Variants in INPP5A observed in about 807,000 individuals in gnomAD.
The protein encoded by INPP5A is inositol polyphosphate-5-phosphatase A.
Under a neutral mutation model 65.2 loss-of-function variants are expected in INPP5A, and 14 were observed. That is an observed-to-expected ratio of 0.21 (90% CI 0.14 to 0.34). The LOEUF (loss-of-function observed/expected upper bound fraction) is 0.34, where lower values mean the gene tolerates loss of function less well. INPP5A is among the 10% of genes least tolerant of loss of function. The pLI, the probability that INPP5A is intolerant of heterozygous loss-of-function variation, is 1.00. For missense variants in INPP5A, 431 were observed against 545.6 expected, an observed-to-expected ratio of 0.79 and a Z score of 2.09; for synonymous variants, 207 against 208.3, an observed-to-expected ratio of 0.99 and a Z score of 0.05.
chr10:132,708,515 C>A lies in INPP5A; in HGVS notation c.527+150C>A, dbSNP rs572894659. ...CCTGACCCCCACCTGCCACTCTGAC[C>A]CTTTTGGTTCACGGCGATGCATTCG... is the stretch of plus-strand genomic sequence containing the variant. On this transcript the variant is annotated intron_variant, in intron 7 of 15. Transcript: ENST00000368594. The A allele has an allele frequency of 8.7e-6, 7 of 806,434 alleles. 1 individual carries two copies. In the South Asian group the frequency reaches 9.4e-5, roughly 11 times the overall value. 50.0% of individuals were successfully genotyped at this position (806,434 alleles called of 1,614,324 possible).
rs2134619824 is a variant in INPP5A at position 132,741,843 on chromosome 10, C to T, written c.733-7674C>T. Reference sequence around the variant, plus strand: ...GGACGTTGGCGTCCGCGTCTGCTTGCTTTACTCCATAGCTGATATAAACTG... The same window carrying T: ...GGACGTTGGCGTCCGCGTCTGCTTGTTTTACTCCATAGCTGATATAAACTG... On this transcript the variant is annotated intron_variant, in intron 9 of 15. Transcript: ENST00000368594. The surrounding 1 kb of genome is among the most constrained non-coding windows in gnomAD (Gnocchi z 4.4). 6.6e-6 allele frequency among the ~76,000 whole-genome samples: 1 copy of T among 152,274 alleles called. No individual in the cohort carries two copies. The highest frequency in any genetic ancestry group is 2.1e-4 in the South Asian group (1 of 4,828).
chr10:132,602,449 A>C (rs1038046505), intron 1 of INPP5A, among the ~76,000 whole-genome samples: 1 of 152,040 alleles, frequency 6.6e-6, no homozygotes, highest in Non-Finnish European at 1.5e-5. Flanking sequence ...ATGCACCACC[A>C]TGCCTGGCTA....
At chr10:132,613,980 C>G (rs2071995061) in intron 2 of INPP5A, among the ~76,000 whole-genome samples, 2 of 152,334 alleles carry the variant, frequency 1.3e-5, no homozygotes, top group South Asian at 4.1e-4. Flanking sequence ...TCTTCATGGT[C>G]TTTTAGAAAC....
At chr10:132,760,212 A>G (rs12258189) in intron 11 of INPP5A, among the ~76,000 whole-genome samples, 3,475 of 152,302 alleles carry the variant, frequency 0.023, 120 homozygotes, top group African/African-American at 0.078. Flanking sequence ...CAGGCCCTCA[A>G]AGGCCTACGT....
chr10:132,726,824 C>T lies in INPP5A; in HGVS notation c.651C>T (p.Ile217=), dbSNP rs773319592. 4 of 1,597,972 alleles carry T rather than the reference C, an allele frequency of 2.5e-6. No homozygotes were observed. The African/African-American group carries it at 5.4e-5, about 21-fold the overall frequency. ...CAAGTCCTCTTTTTCTTTCCAGAAT[C>T]ATTGATCAGCGATTCGAGAAGGTTT... The part of the protein sequence containing the change: ...HKALGYVLDR[I]IDQRFEKVSY... The change falls in exon 9 of 16, where the codon ATC becomes ATT. Residue 217 remains isoleucine (I), a synonymous_variant. Transcript: ENST00000368594.
intron 4 of INPP5A, among the ~76,000 whole-genome samples, chr10:132,657,410 G>C (rs778913174): frequency 6.6e-6 from 1 of 152,208 alleles, no homozygotes; most frequent in African/African-American, 2.4e-5. Context: ...TGCCTCCCCC[G>C]CGGCTGGGTC....
chr10:132,588,012 CAAAAAAA>C (rs796469034), intron 1 of INPP5A, among the ~76,000 whole-genome samples: 9 of 55,908 alleles, frequency 1.6e-4, no homozygotes, highest in Non-Finnish European at 2.3e-4. Flanking sequence ...AACTCCATCT[CAAAAAAA>C]AAAAAAAAAA....
chr10:132,617,298 T>C (rs1276628649), intron 2 of INPP5A, among the ~76,000 whole-genome samples: 3 of 152,168 alleles, frequency 2.0e-5, no homozygotes, highest in Non-Finnish European at 4.4e-5. Flanking sequence ...GCAGTGTGGC[T>C]TGGGGCAAAG....
intron 4 of INPP5A, among the ~76,000 whole-genome samples, chr10:132,682,264 TC>T (rs1281183959): frequency 2.0e-5 from 3 of 149,484 alleles, no homozygotes; most frequent in African/African-American, 7.3e-5. Context: ...CTGTTGCTGG[TC>T]GGGAACAGTC....
At chr10:132,577,242 G>A (rs1449681011) in intron 1 of INPP5A, among the ~76,000 whole-genome samples, 10 of 152,142 alleles carry the variant, frequency 6.6e-5, no homozygotes, top group South Asian at 2.1e-4. Flanking sequence ...CACGCCGCCC[G>A]TGGTGCATCA....
In INPP5A at chr10:132,555,819, G is replaced by A. The variant is rs2071118831; in HGVS notation, c.75+17648G>A. On this transcript the variant is annotated intron_variant, in intron 1 of 15. Coordinates refer to ENST00000368594, the MANE Select transcript of INPP5A (RefSeq NM_005539.5). The surrounding 1 kb of genome is among the most constrained non-coding windows in gnomAD (Gnocchi z 4.4). The stretch of plus-strand genomic sequence containing the variant: ...ACGTGTGGTCTGCACAGACAGACCA[G>A]GGGGTGACTTCAGCGTTTTATGGCA... Among the ~76,000 whole-genome samples, 1 of 152,200 alleles carries A rather than the reference G, an allele frequency of 6.6e-6. No homozygotes were observed. The highest frequency in any genetic ancestry group is 2.4e-5 in the African/African-American group (1 of 41,448).
In INPP5A at chr10:132,698,502, A is replaced by C. The variant is rs1845382007; in HGVS notation, c.474+583A>C. Among the ~76,000 whole-genome samples the C allele has an allele frequency of 6.6e-6, 1 of 152,254 alleles. No homozygotes were observed. The highest frequency in any genetic ancestry group is 1.5e-5 in the Non-Finnish European group (1 of 68,046). On this transcript the variant is annotated intron_variant, in intron 6 of 15. Coordinates refer to ENST00000368594, the MANE Select transcript of INPP5A (RefSeq NM_005539.5). This position sits in a 1 kb window ranked among gnomAD's most constrained non-coding sequence, Gnocchi z 5.5. The stretch of plus-strand genomic sequence containing the variant: ...AAATTGGTGTTTCCTTCTGGCGGCC[A>C]TGCACTTTGCTGAGCTGTGTGCGCG...
At chr10:132,596,482 C>T (rs1310280602) in intron 1 of INPP5A, among the ~76,000 whole-genome samples, 1 of 149,250 alleles carries the variant, frequency 6.7e-6, no homozygotes, top group African/African-American at 2.5e-5. Context: ...AGCTGGAGTG[C>T]AGTGGCACCA....
chr10:132,650,611 A>T lies in INPP5A; in HGVS notation c.306+106A>T, dbSNP rs1014181595. 4 of 793,520 alleles carry T rather than the reference A, an allele frequency of 5.0e-6. No homozygotes were observed. The African/African-American group carries it at 6.8e-5, about 13-fold the overall frequency. The allele number at this position is 793,520 out of a possible 1,614,324, so 49.2% of individuals were successfully genotyped here. On this transcript the variant is annotated intron_variant, in intron 4 of 15. Transcript: ENST00000368594. The surrounding 1 kb of genome is among the most constrained non-coding windows in gnomAD (Gnocchi z 5.5). ...GAGAGGTCGGGGTGCTCCCTGCCTG[A>T]AGCCTCACTCACGCTGCCCTGCCTG... is the stretch of plus-strand genomic sequence containing the variant.
chr10:132,702,413 A>C (rs1564971851), intron 6 of INPP5A, among the ~76,000 whole-genome samples: 1 of 152,370 alleles, frequency 6.6e-6, no homozygotes, highest in Non-Finnish European at 1.5e-5. Flanking sequence ...ACCCACATGC[A>C]CATAGATTCA....
chr10:132,614,754 G>A (rs1276784836), intron 2 of INPP5A, among the ~76,000 whole-genome samples: 2 of 152,250 alleles, frequency 1.3e-5, no homozygotes, highest in African/African-American at 4.8e-5. Context: ...TCTGGGGGCC[G>A]ATGAGATCGC....
intron 5 of INPP5A, among the ~76,000 whole-genome samples, chr10:132,696,120 T>A (rs1274637922): frequency 1.3e-5 from 2 of 152,220 alleles, no homozygotes; most frequent in Non-Finnish European, 2.9e-5. Flanking sequence ...CCTAGCACCC[T>A]GATCTTGGAC....
chr10:132,714,541 C>T (rs965305405), intron 8 of INPP5A, among the ~76,000 whole-genome samples: 3 of 152,184 alleles, frequency 2.0e-5, no homozygotes, highest in Non-Finnish European at 4.4e-5. Context: ...GGTTTAATCT[C>T]CCCGCGCGGC....
chr10:132,694,626 C>T (rs1326236212), intron 5 of INPP5A, among the ~76,000 whole-genome samples: 2 of 151,782 alleles, frequency 1.3e-5, no homozygotes, highest in Admixed American at 1.3e-4. Flanking sequence ...TTCTTTAAAG[C>T]GATCAATAAA....
Sources: allele counts gnomAD v4.1 joint callset (sites outside exome capture counted in the v4.1 genomes callset), GRCh38; gene constraint gnomAD v4.1.1; non-coding constraint Gnocchi (gnomAD v3.1); transcripts MANE v1.5; gene names NCBI Gene and HGNC (gene_info 2026-07-23, HGNC 2026-07-21).